The following TMEM217B variants were observed in gnomAD, a reference collection of about 807,000 sequenced individuals.
The protein encoded by TMEM217B is putative transmembrane protein 217B.
At chr6:37,254,639 A>G in the TMEM217B span, among the ~76,000 whole-genome samples, 179 of 152,370 alleles carry the variant, frequency 1.2e-3, no homozygotes, top group African/African-American at 3.7e-3. Context: ...TGTGAACAAC[A>G]TAGAATCGAA....
chr6:37,218,699 A>G, the TMEM217B span: 5 of 1,614,036 alleles, frequency 3.1e-6, 1 homozygote, highest in South Asian at 4.4e-5. Context: ...GAGGATTTGT[A>G]TTACGACGTT....
the TMEM217B span, among the ~76,000 whole-genome samples, chr6:37,226,900 C>G: frequency 6.6e-6 from 1 of 152,306 alleles, no homozygotes; most frequent in South Asian, 2.1e-4. Context: ...AACTTGGTAA[C>G]AACTCATGTA....
chr6:37,256,291 C>A, the TMEM217B span, among the ~76,000 whole-genome samples: 1 of 152,184 alleles, frequency 6.6e-6, no homozygotes, highest in African/African-American at 2.4e-5. Context: ...ATTACTCTTT[C>A]AAGACATCAA....
the TMEM217B span, among the ~76,000 whole-genome samples, chr6:37,233,175 C>G: frequency 6.6e-6 from 1 of 151,006 alleles, no homozygotes; most frequent in Non-Finnish European, 1.5e-5. Flanking sequence ...TTTCTCTGGT[C>G]TTTCTTATTT....
the TMEM217B span, among the ~76,000 whole-genome samples, chr6:37,228,913 C>A: frequency 2.0e-5 from 3 of 151,700 alleles, no homozygotes; most frequent in Admixed American, 1.3e-4. Context: ...AGGAGAATGG[C>A]GTGAACCTGG....
chr6:37,252,962 A>G, the TMEM217B span, among the ~76,000 whole-genome samples: 1 of 152,104 alleles, frequency 6.6e-6, no homozygotes, highest in Non-Finnish European at 1.5e-5. Flanking sequence ...TATAATATTA[A>G]AAAACGGTAA....
the TMEM217B span, among the ~76,000 whole-genome samples, chr6:37,225,521 T>G: frequency 6.6e-6 from 1 of 152,172 alleles, no homozygotes; most frequent in Non-Finnish European, 1.5e-5. Context: ...GAAAAAGACA[T>G]GTAATCTAAT....
the TMEM217B span, chr6:37,217,742 T>A: frequency 1.0e-6 from 1 of 985,440 alleles, no homozygotes; most frequent in Non-Finnish European, 1.2e-6. Flanking sequence ...ACAGTATCCT[T>A]TGTGCTGCAA....
the TMEM217B span, among the ~76,000 whole-genome samples, chr6:37,244,971 T>G: frequency 6.6e-6 from 1 of 152,218 alleles, no homozygotes; most frequent in Non-Finnish European, 1.5e-5. Flanking sequence ...TTTTTCATCA[T>G]CCAGCAGGCT....
chr6:37,216,771 T>C, the TMEM217B span, among the ~76,000 whole-genome samples: 1 of 152,138 alleles, frequency 6.6e-6, no homozygotes, highest in Non-Finnish European at 1.5e-5. Flanking sequence ...GATTGAATCA[T>C]AGGGGCAGAG....
the TMEM217B span, among the ~76,000 whole-genome samples, chr6:37,253,275 C>T: frequency 2.6e-5 from 4 of 152,012 alleles, no homozygotes; most frequent in Non-Finnish European, 5.9e-5. Flanking sequence ...TTTTCATTTT[C>T]CCCTGTTTAT....
the TMEM217B span, among the ~76,000 whole-genome samples, chr6:37,221,011 T>G: frequency 6.6e-6 from 1 of 152,150 alleles, no homozygotes; most frequent in African/African-American, 2.4e-5. Flanking sequence ...TTAGTAGTGT[T>G]AAGTATATTC....
chr6:37,233,060 A>G, the TMEM217B span, among the ~76,000 whole-genome samples: 1 of 152,322 alleles, frequency 6.6e-6, no homozygotes, highest in African/African-American at 2.4e-5. Context: ...TCTGGTCTTC[A>G]GTTTGGAGCT....
the TMEM217B span, among the ~76,000 whole-genome samples, chr6:37,226,307 T>C: frequency 1.6e-4 from 19 of 115,672 alleles, no homozygotes; most frequent in African/African-American, 6.5e-4. Flanking sequence ...TTTTTTTTTT[T>C]TTTGAGACAG....
the TMEM217B span, among the ~76,000 whole-genome samples, chr6:37,221,715 G>A: frequency 6.6e-6 from 1 of 152,162 alleles, no homozygotes; most frequent in Non-Finnish European, 1.5e-5. Flanking sequence ...TGTGGCCAGC[G>A]GCACCTTTGC....
the TMEM217B span, among the ~76,000 whole-genome samples, chr6:37,221,137 T>C: frequency 6.6e-6 from 1 of 152,056 alleles, no homozygotes; most frequent in South Asian, 2.1e-4. Flanking sequence ...ACTATCATTC[T>C]ACTTTCTGTT....
chr6:37,234,982 CA>C, the TMEM217B span, among the ~76,000 whole-genome samples: 1 of 151,934 alleles, frequency 6.6e-6, no homozygotes, highest in South Asian at 2.1e-4. Context: ...CTAATAAACC[CA>C]GATCATTAAA....
the TMEM217B span, among the ~76,000 whole-genome samples, chr6:37,215,994 G>GGTGTGT: frequency 6.0e-3 from 892 of 149,152 alleles, 5 homozygotes; most frequent in South Asian, 8.7e-3. Flanking sequence ...GGTTCTTCAG[G>GGTGTGT]GTGTGTGTGT....
the TMEM217B span, among the ~76,000 whole-genome samples, chr6:37,234,754 T>A: frequency 6.6e-6 from 1 of 151,410 alleles, no homozygotes; most frequent in East Asian, 1.9e-4. Flanking sequence ...GAAAATAAAA[T>A]AAATATCGGT....
Sources: gnomAD v4.1 joint callset for allele counts (sites outside exome capture counted in the v4.1 genomes callset) on GRCh38, gnomAD v4.1.1 for gene constraint, MANE v1.5 for transcripts, NCBI Gene and HGNC (gene_info 2026-07-23, HGNC 2026-07-21) for gene names.